Variants in FREM2 observed in about 807,000 individuals in gnomAD.
The protein encoded by FREM2 is FRAS1-related extracellular matrix protein 2.
Under a neutral mutation model 219.9 loss-of-function variants are expected in FREM2, and 119 were observed. That is an observed-to-expected ratio of 0.54 (90% CI 0.47 to 0.63). The LOEUF is 0.63. Among genes scored for constraint, FREM2 ranks in the 30% least tolerant of loss-of-function variants. FREM2 has a pLI of 0.00. For missense variants in FREM2, 4,030 were observed against 3,993.6 expected (o/e 1.01, Z -0.25); for synonymous variants, 1,562 against 1,522.8 (o/e 1.03, Z -0.60).
intron 6 of FREM2, among the ~76,000 whole-genome samples, chr13:38,821,323 T>C (rs1051378469): frequency 4.2e-4 from 64 of 152,148 alleles, no homozygotes; most frequent in African/African-American, 1.5e-3. Flanking sequence ...AACCTTACAC[T>C]GACCTAGAAA....
chr13:38,813,971 A>T (rs1462509075), intron 6 of FREM2, among the ~76,000 whole-genome samples: 1 of 151,964 alleles, frequency 6.6e-6, no homozygotes, highest in Admixed American at 6.6e-5. Context: ...ATCGATTCCA[A>T]TATTAATAGA....
At position 38,764,452 on chromosome 13, in the gene FREM2, T is replaced by G; in HGVS notation, c.5410+2T>G. 1 of 1,492,090 alleles carries G rather than the reference T, an allele frequency of 6.7e-7. No individual in the cohort carries two copies. Among genetic ancestry groups the G allele is most frequent in the Non-Finnish European group, 9.2e-7 (1 of 1,083,474 alleles). The allele number at this position is 1,492,090 out of a possible 1,614,324, so 92.4% of individuals were successfully genotyped here. On this transcript the variant is annotated splice_donor_variant, in intron 3 of 23. Coordinates refer to ENST00000280481, the MANE Select transcript of FREM2 (RefSeq NM_207361.6). LOFTEE classifies it high-confidence loss of function. ...ACTTGGGAGAAACTTCTTTTATAAGTAAGTTTAATTTTTTATTTCTGTTTT... is the reference window on the plus strand; with the variant it reads ...ACTTGGGAGAAACTTCTTTTATAAGGAAGTTTAATTTTTTATTTCTGTTTT...
intron 13 of FREM2, among the ~76,000 whole-genome samples, chr13:38,858,988 G>A (rs969887037): frequency 8.2e-6 from 1 of 122,304 alleles, no homozygotes; most frequent in Non-Finnish European, 1.7e-5. Context: ...GACAGGAAGC[G>A]GGGGAGGAAA....
At chr13:38,831,210 C>A (rs1398229540) in intron 6 of FREM2, among the ~76,000 whole-genome samples, 1 of 152,108 alleles carries the variant, frequency 6.6e-6, no homozygotes, top group African/African-American at 2.4e-5. Context: ...TTGAAACAAT[C>A]TTCTAGAAGG....
chr13:38,876,224 T>C (rs750733338), intron 19 of FREM2, 24 bp from the exon 20 acceptor site: 3 of 1,614,070 alleles, frequency 1.9e-6, no homozygotes, highest in Non-Finnish European at 2.5e-6. Flanking sequence ...TTAAATGTAA[T>C]ATATCAATAT....
chr13:38,853,111 T>C (rs1877432406), intron 11 of FREM2, among the ~76,000 whole-genome samples: 1 of 151,874 alleles, frequency 6.6e-6, no homozygotes, highest in African/African-American at 2.4e-5. Flanking sequence ...GTGGATCACC[T>C]GAGGTCAGGA....
chr13:38,798,709 T>C (rs756844805), intron 6 of FREM2, among the ~76,000 whole-genome samples: 7 of 152,068 alleles, frequency 4.6e-5, no homozygotes, highest in Non-Finnish European at 8.8e-5. Flanking sequence ...TTGTATATTT[T>C]CAGGAATTTA....
intron 6 of FREM2, among the ~76,000 whole-genome samples, chr13:38,797,460 T>A (rs959524026): frequency 6.6e-6 from 1 of 152,182 alleles, no homozygotes; most frequent in Non-Finnish European, 1.5e-5. Context: ...TGTATTTTTT[T>A]AAAAAATTGC....
chr13:38,757,010 C>G (rs563057549), intron 2 of FREM2, among the ~76,000 whole-genome samples: 340 of 152,204 alleles, frequency 2.2e-3, no homozygotes, highest in Non-Finnish European at 3.9e-3. Flanking sequence ...CTGCACGTGT[C>G]TGAGAATGAT....
At chr13:38,747,971 G>A (rs1344095996) in intron 2 of FREM2, among the ~76,000 whole-genome samples, 3 of 152,096 alleles carry the variant, frequency 2.0e-5, no homozygotes, top group Non-Finnish European at 4.4e-5. Context: ...CAGATCGTAA[G>A]GTTCAAATAT....
intron 4 of FREM2, among the ~76,000 whole-genome samples, chr13:38,782,626 G>A (rs2137829162): frequency 6.6e-6 from 1 of 152,278 alleles, no homozygotes; most frequent in East Asian, 1.9e-4. Context: ...ATCCTGACTT[G>A]GCCAGCCATT....
At chr13:38,717,503 A>G (rs528733748) in intron 2 of FREM2, among the ~76,000 whole-genome samples, 2 of 132,270 alleles carry the variant, frequency 1.5e-5, no homozygotes, top group East Asian at 2.2e-4. Context: ...TGCAACTTCT[A>G]CCTCTGGGGT....
At chr13:38,842,818 C>G (rs746986800) in intron 6 of FREM2, among the ~76,000 whole-genome samples, 2 of 152,164 alleles carry the variant, frequency 1.3e-5, no homozygotes, top group Non-Finnish European at 2.9e-5. Flanking sequence ...TTGCAGGTAT[C>G]TGTGCTGTAT....
chr13:38,760,142 C>A (rs193206250), intron 2 of FREM2, among the ~76,000 whole-genome samples: 2 of 152,252 alleles, frequency 1.3e-5, no homozygotes, highest in African/African-American at 4.8e-5. Context: ...AGTTAAGTAT[C>A]TGTTTCATTT....
At chr13:38,852,147 C>T (rs1461143855) in intron 11 of FREM2, among the ~76,000 whole-genome samples, 1 of 152,134 alleles carries the variant, frequency 6.6e-6, no homozygotes, top group Non-Finnish European at 1.5e-5. Flanking sequence ...CCCCCACCCT[C>T]CCAAGCCTTC....
chr13:38,784,771 A>G lies in FREM2; in HGVS notation c.5982A>G (p.Pro1994=), dbSNP rs1454286451. The change falls in exon 6 of 24, where the codon CCA becomes CCG. Residue 1994 remains proline, a synonymous_variant. Coordinates refer to ENST00000280481, the MANE Select transcript of FREM2 (RefSeq NM_207361.6). ...GGGGAAGAATCGGATCAGAGTTCCC[A>G]GGGGCTCAAGTTACAATCGTTCCTG... ...PMGGRIGSEF[P]GAQVTIVPDK... is the part of the protein sequence containing the mutation. 2.5e-6 allele frequency: 4 copies of G among 1,614,042 alleles called. No individual in the cohort carries two copies. Among genetic ancestry groups the G allele is most frequent in the Non-Finnish European group, 2.5e-6 (3 of 1,180,004 alleles).
chr13:38,741,956 AATAC>A (rs758774666), intron 2 of FREM2, among the ~76,000 whole-genome samples: 39 of 152,232 alleles, frequency 2.6e-4, no homozygotes, highest in Non-Finnish European at 4.8e-4. Flanking sequence ...CAATGAAAAA[AATAC>A]ATGTTGAGCA....
chr13:38,787,031 C>T (rs982458182), intron 6 of FREM2, among the ~76,000 whole-genome samples: 5 of 152,200 alleles, frequency 3.3e-5, no homozygotes, highest in African/African-American at 1.2e-4. Context: ...ATTCATAGAA[C>T]ATTTTACTAT....
At chr13:38,720,188 C>T (rs1355228717) in intron 2 of FREM2, among the ~76,000 whole-genome samples, 3 of 152,200 alleles carry the variant, frequency 2.0e-5, no homozygotes, top group African/African-American at 7.2e-5. Context: ...TTTAGGCTTA[C>T]AAACATGTAC....
Sources: gnomAD v4.1 joint callset for allele counts (sites outside exome capture counted in the v4.1 genomes callset) on GRCh38, gnomAD v4.1.1 for gene constraint, MANE v1.5 for transcripts, NCBI Gene and HGNC (gene_info 2026-07-23, HGNC 2026-07-21) for gene names.